Variants in TECPR2 observed in about 807,000 individuals in gnomAD.
TECPR2 encodes the protein tectonin beta-propeller repeat-containing protein 2.
A neutral mutation model predicts 138.1 loss-of-function variants in TECPR2; 65 were observed. The observed-to-expected ratio is 0.47, with a 90% CI of 0.39 to 0.58. The LOEUF (loss-of-function observed/expected upper bound fraction) is 0.58, where lower values mean the gene tolerates loss of function less well. Ranked by LOEUF, TECPR2 falls within the 20% of genes least tolerant of loss-of-function variation. The pLI is 0.00. For synonymous variants in TECPR2, 746 were observed against 749.8 expected, an observed-to-expected ratio of 0.99 and a Z score of 0.08; for missense variants, 1,553 against 1,824.5, an observed-to-expected ratio of 0.85 and a Z score of 2.71.
intron 13 of TECPR2, among the ~76,000 whole-genome samples, chr14:102,448,742 C>T (rs1398229952): frequency 6.6e-6 from 1 of 151,982 alleles, no homozygotes; most frequent in Non-Finnish European, 1.5e-5. Context: ...TGGCGTGCGC[C>T]TGTAGTCCCA....
In TECPR2 at chr14:102,370,684, C is replaced by G. The variant is rs925399607; in HGVS notation, c.-72-5966C>G. On this transcript the variant is annotated intron_variant, in intron 1 of 19. Transcript: ENST00000359520. Reference sequence around the variant, plus strand: ...ATGGGGACCACTGCAGAGTGTTAAGCAAGGGAGTGATGACATCAGCTTTGC... The same window carrying G: ...ATGGGGACCACTGCAGAGTGTTAAGGAAGGGAGTGATGACATCAGCTTTGC... Among the ~76,000 whole-genome samples the G allele has an allele frequency of 3.3e-5, 5 of 152,280 alleles. No individual in the cohort carries two copies. In the East Asian group the frequency reaches 9.7e-4, roughly 29 times the overall value.
chr14:102,492,983 G>A (rs184851885), intron 17 of TECPR2, among the ~76,000 whole-genome samples: 2 of 152,298 alleles, frequency 1.3e-5, no homozygotes, highest in Non-Finnish European at 1.5e-5. Context: ...AAAGGGATGC[G>A]GGGTAGCCAT....
At chr14:102,437,956 T>C (rs1376107389) in intron 9 of TECPR2, 66 bp from the exon 10 acceptor site, 2 of 1,554,146 alleles carry the variant, frequency 1.3e-6, no homozygotes, top group Non-Finnish European at 1.7e-6. Flanking sequence ...CCTTTCTTAC[T>C]GAGAACAGTA....
intron 1 of TECPR2, among the ~76,000 whole-genome samples, chr14:102,363,434 C>T (rs952079807): frequency 6.6e-6 from 1 of 152,230 alleles, no homozygotes; most frequent in Middle Eastern, 3.2e-3. Flanking sequence ...ACCCTGCATC[C>T]CGGCTGCCGG....
Position 102,484,367 on chromosome 14 carries a change from TTG to T in TECPR2, c.3790-12606_3790-12605del, listed in dbSNP as rs1461008845. 3.9e-5 allele frequency among the ~76,000 whole-genome samples: 6 copies of T among 152,248 alleles called. No homozygotes were observed. The South Asian group carries it at 1.2e-3, about 32-fold the overall frequency. ...CTGCCTGGTCTTTGTATGTCCCAAGTTGTGTGTTTTCTGTCTAGTTCGCCTTT... is the reference window on the plus strand; with the variant it reads ...CTGCCTGGTCTTTGTATGTCCCAAGTTGTGTTTTCTGTCTAGTTCGCCTTT... On this transcript the variant is annotated intron_variant, in intron 17 of 19. Coordinates refer to ENST00000359520, the MANE Select transcript of TECPR2 (RefSeq NM_014844.5).
chr14:102,370,922 G>C (rs1380143926), intron 1 of TECPR2, among the ~76,000 whole-genome samples: 2 of 152,136 alleles, frequency 1.3e-5, no homozygotes, highest in Non-Finnish European at 2.9e-5. Context: ...TTTCTGGCTT[G>C]GTCAGCATGG....
At chr14:102,494,528 C>CA (rs199619432) in intron 17 of TECPR2, among the ~76,000 whole-genome samples, 34 of 147,190 alleles carry the variant, frequency 2.3e-4, no homozygotes, top group East Asian at 4.0e-4. Flanking sequence ...CAGTGAGACT[C>CA]AAAAAAAAAC....
Position 102,443,835 on chromosome 14 carries a change from C to A in TECPR2, c.2933+8C>A. 6.4e-7 allele frequency: 1 copy of A among 1,556,740 alleles called. No individual in the cohort carries two copies. Among genetic ancestry groups the A allele is most frequent in the Non-Finnish European group, 8.8e-7 (1 of 1,141,582 alleles). Reference sequence around the variant, plus strand: ...GAAGTGTGACATTGTCAGGTACTGGCGGGCCAGAGACTCCTTTCACATCGT... The same window carrying A: ...GAAGTGTGACATTGTCAGGTACTGGAGGGCCAGAGACTCCTTTCACATCGT... On this transcript the variant is annotated splice_region_variant and intron_variant, in intron 12 of 19. Coordinates refer to ENST00000359520, the MANE Select transcript of TECPR2 (RefSeq NM_014844.5). This position sits in a 1 kb window ranked among gnomAD's most constrained non-coding sequence, Gnocchi z 4.9.
chr14:102,386,448 C>T (rs905862574), intron 2 of TECPR2, among the ~76,000 whole-genome samples: 1 of 151,766 alleles, frequency 6.6e-6, no homozygotes, highest in East Asian at 1.9e-4. Context: ...ACAGCCTGGG[C>T]GACAGAGCAA....
chr14:102,428,996 C>T (rs978856606), intron 7 of TECPR2, among the ~76,000 whole-genome samples: 4 of 152,018 alleles, frequency 2.6e-5, no homozygotes, highest in Middle Eastern at 3.2e-3. Flanking sequence ...TACAGGCATG[C>T]GCCATTATGC....
intron 17 of TECPR2, among the ~76,000 whole-genome samples, chr14:102,476,201 T>G: frequency 9.7e-6 from 1 of 102,742 alleles, no homozygotes; most frequent in Non-Finnish European, 1.9e-5. Flanking sequence ...AGCGAGACTC[T>G]GTCTCAAAAA....
intron 2 of TECPR2, among the ~76,000 whole-genome samples, chr14:102,384,632 G>A (rs1250494446): frequency 1.3e-5 from 2 of 150,044 alleles, no homozygotes; most frequent in Non-Finnish European, 3.0e-5. Context: ...AGCCAAGACT[G>A]CACCACTGCA....
rs1208446956 is a variant in TECPR2, at chr14:102,452,384, C to T, written c.3407-10C>T. 1.9e-6 allele frequency: 3 copies of T among 1,601,964 alleles called. No homozygotes were observed. The highest frequency in any genetic ancestry group is 2.6e-6 in the Non-Finnish European group (3 of 1,170,136). On this transcript the variant is annotated splice_polypyrimidine_tract_variant and intron_variant, in intron 15 of 19. Coordinates refer to ENST00000359520, the MANE Select transcript of TECPR2 (RefSeq NM_014844.5). ...AACACCTCGATGACAAACATGACCC[C>T]TTTCTGCAGGAAGCTTCCTGTGGCT...
intron 2 of TECPR2, among the ~76,000 whole-genome samples, chr14:102,389,832 A>G (rs1301873969): frequency 2.6e-5 from 4 of 152,168 alleles, no homozygotes; most frequent in Admixed American, 6.5e-5. Flanking sequence ...CTTCAACTCC[A>G]GTGGATATTC....
chr14:102,488,071 G>A (rs185662764), intron 17 of TECPR2, among the ~76,000 whole-genome samples: 8 of 145,354 alleles, frequency 5.5e-5, no homozygotes, highest in Non-Finnish European at 9.0e-5. Context: ...CTTGAACTCC[G>A]GACCTCAGGT....
chr14:102,443,804 GC>G lies in TECPR2; in HGVS notation c.2911del (p.Gln971SerfsTer13). On this transcript the variant is annotated frameshift_variant, in exon 12 of 20. Coordinates refer to ENST00000359520, the MANE Select transcript of TECPR2 (RefSeq NM_014844.5). LOFTEE classifies it high-confidence loss of function. This position sits in a 1 kb window ranked among gnomAD's most constrained non-coding sequence, Gnocchi z 4.9. The stretch of plus-strand genomic sequence containing the variant: ...TGAGCAGCTTCTGTCCGGAAGGCGA[GC>G]AGTGGAAGTGTGACATTGTCAGGTA... ...GVSSFCPEGE[Q>X]WKCDIVSERQ... The G allele has an allele frequency of 6.3e-7, 1 of 1,596,388 alleles. No homozygotes were observed.
At chr14:102,492,110 CCT>C (rs1415400094) in intron 17 of TECPR2, among the ~76,000 whole-genome samples, 5 of 152,328 alleles carry the variant, frequency 3.3e-5, no homozygotes, top group Non-Finnish European at 1.5e-5. Flanking sequence ...ACTTGCTCTT[CCT>C]CTTTTAAAGA....
At chr14:102,378,015 G>A (rs982398355) in intron 2 of TECPR2, among the ~76,000 whole-genome samples, 1 of 152,230 alleles carries the variant, frequency 6.6e-6, no homozygotes, top group Non-Finnish European at 1.5e-5. Context: ...GATATTGGTG[G>A]AGATGTTATT....
chr14:102,460,097 C>G (rs1274352949), intron 16 of TECPR2, among the ~76,000 whole-genome samples: 1 of 151,846 alleles, frequency 6.6e-6, no homozygotes. Context: ...ATAGCAAAAC[C>G]CTGTCTCTAC....
Sources: allele counts gnomAD v4.1 joint callset (sites outside exome capture counted in the v4.1 genomes callset), GRCh38; gene constraint gnomAD v4.1.1; non-coding constraint Gnocchi (gnomAD v3.1); transcripts MANE v1.5; gene names NCBI Gene and HGNC (gene_info 2026-07-23, HGNC 2026-07-21).